Variants in GALK2 observed in about 807,000 individuals in gnomAD.
The protein encoded by GALK2 is N-acetylgalactosamine kinase.
GALK2 carries 36 observed loss-of-function variants against 52.4 expected under a neutral mutation model. The observed-to-expected ratio is 0.69, with a 90% confidence interval of 0.53 to 0.91. The LOEUF (loss-of-function observed/expected upper bound fraction) is 0.91. Ranked by LOEUF, GALK2 falls within the 40% of genes least tolerant of loss-of-function variation. The pLI, the probability that GALK2 is intolerant of heterozygous loss-of-function variation, is 0.00. For synonymous variants in GALK2, 176 were observed against 199.1 expected, an observed-to-expected ratio of 0.88 and a Z score of 0.98; for missense variants, 579 against 559.1, an observed-to-expected ratio of 1.04 and a Z score of -0.36.
downstream of GALK2, chr15:49,335,510 T>A: frequency 6.3e-7 from 1 of 1,595,814 alleles, no homozygotes; most frequent in Non-Finnish European, 8.6e-7. Context: ...CTAGGCTTAT[T>A]ATTAAGGAAT....
intron 3 of GALK2, among the ~76,000 whole-genome samples, chr15:49,229,031 A>AT (rs1212550510): frequency 2.0e-5 from 3 of 151,806 alleles, no homozygotes; most frequent in Admixed American, 2.0e-4. Context: ...TTTGAATTCT[A>AT]TTTCTGGAAT....
intron 8 of GALK2, among the ~76,000 whole-genome samples, chr15:49,309,579 G>T (rs1441494841): frequency 6.6e-6 from 1 of 151,508 alleles, no homozygotes; most frequent in Non-Finnish European, 1.5e-5. Flanking sequence ...ATGTCTTTGT[G>T]TTGGGAACAT....
intron 8 of GALK2, among the ~76,000 whole-genome samples, chr15:49,299,739 C>CTTTCTTTCTTTCTTTCTTTTT: frequency 1.3e-5 from 1 of 76,382 alleles, no homozygotes; most frequent in African/African-American, 5.3e-5. Context: ...TCTTTCTTTT[C>CTTTCTTTCTTTCTTTCTTTTT]TTTCTTTCTT....
At chr15:49,196,467 T>C (rs926574961) in intron 1 of GALK2, among the ~76,000 whole-genome samples, 1 of 152,224 alleles carries the variant, frequency 6.6e-6, no homozygotes, top group East Asian at 1.9e-4. Context: ...TTCTATTGCA[T>C]TGAGTGTTGT....
chr15:49,163,411 G>A (rs568726), intron 1 of GALK2, among the ~76,000 whole-genome samples: 72,901 of 151,864 alleles, frequency 0.48, 18,105 homozygotes, highest in African/African-American at 0.61. Context: ...ACCTAAGGGC[G>A]CTGAGATTTT....
intron 2 of GALK2, among the ~76,000 whole-genome samples, chr15:49,208,546 T>G (rs2088521828): frequency 6.6e-6 from 1 of 152,216 alleles, no homozygotes; most frequent in African/African-American, 2.4e-5. Flanking sequence ...TTTCTTAAAT[T>G]TATTAAGGCT....
intron 7 of GALK2, among the ~76,000 whole-genome samples, chr15:49,283,940 C>T (rs1476298927): frequency 6.6e-6 from 1 of 152,072 alleles, no homozygotes; most frequent in Admixed American, 6.6e-5. Context: ...AAAAGGGCAG[C>T]TTATATATGT....
chr15:49,197,264 C>G (rs2087317922), intron 1 of GALK2, among the ~76,000 whole-genome samples: 1 of 152,128 alleles, frequency 6.6e-6, no homozygotes, highest in Non-Finnish European at 1.5e-5. Context: ...AGTTATGTGT[C>G]TAGTATTCAG....
intron 3 of GALK2, among the ~76,000 whole-genome samples, chr15:49,346,965 G>GT (rs1252006986): frequency 6.6e-6 from 1 of 152,118 alleles, no homozygotes; most frequent in Non-Finnish European, 1.5e-5. Flanking sequence ...CAACATCCAT[G>GT]TATCAAAAAC....
At chr15:49,164,842 T>C (rs1444701315) in intron 1 of GALK2, among the ~76,000 whole-genome samples, 3 of 147,368 alleles carry the variant, frequency 2.0e-5, no homozygotes, top group African/African-American at 5.0e-5. Flanking sequence ...TAGTTTTAAA[T>C]TGGGGCAATT....
chr15:49,292,548 T>A lies in GALK2; in HGVS notation c.967+11T>A, dbSNP rs770229502. 6.2e-7 allele frequency: 1 copy of A among 1,608,338 alleles called. No individual in the cohort carries two copies. Among genetic ancestry groups the A allele is most frequent in the Non-Finnish European group, 8.5e-7 (1 of 1,175,204 alleles). On this transcript the variant is annotated intron_variant, in intron 8 of 9. Transcript: ENST00000560031. Reference sequence around the variant, plus strand: ...CAAACACTCAAGATGGTGAGTTGGCTGGAGAAAGTATGATATATGTTATTC... The same window carrying A: ...CAAACACTCAAGATGGTGAGTTGGCAGGAGAAAGTATGATATATGTTATTC...
intron 3 of GALK2, among the ~76,000 whole-genome samples, chr15:49,339,042 AG>A (rs2040257619): frequency 6.6e-6 from 1 of 151,996 alleles, no homozygotes; most frequent in Non-Finnish European, 1.5e-5. Flanking sequence ...CCTTTTTTCA[AG>A]GTTCTTAGCT....
In GALK2 at chr15:49,327,944, T is replaced by C; in HGVS notation, c.1170-8T>C. The C allele has an allele frequency of 6.3e-7, 1 of 1,597,224 alleles. No homozygotes were observed. Among genetic ancestry groups the C allele is most frequent in the Non-Finnish European group, 8.5e-7 (1 of 1,170,378 alleles). ...TAGGTTCTAATATTTTTTTCCTCAC[T>C]GTTTTAGGAAGTTTGGGGCTCAAGG... On this transcript the variant is annotated splice_region_variant and splice_polypyrimidine_tract_variant and intron_variant, in intron 9 of 9. Coordinates refer to ENST00000560031, the MANE Select transcript of GALK2 (RefSeq NM_002044.4).
intron 9 of GALK2, among the ~76,000 whole-genome samples, chr15:49,323,448 G>C (rs555331251): frequency 1.3e-5 from 2 of 152,108 alleles, no homozygotes; most frequent in Non-Finnish European, 2.9e-5. Flanking sequence ...TCAAGGAGGA[G>C]CACTGCCAAA....
chr15:49,277,138 T>C (rs2031878285), intron 5 of GALK2, among the ~76,000 whole-genome samples: 2 of 516 alleles, frequency 3.9e-3, no homozygotes. Context: ...AATTTTTGTA[T>C]TTTTTTTTTT....
At chr15:49,362,382 G>A (rs974393454) in intron 3 of GALK2, among the ~76,000 whole-genome samples, 1 of 152,122 alleles carries the variant, frequency 6.6e-6, no homozygotes, top group African/African-American at 2.4e-5. Context: ...AGTTTCCTGA[G>A]GCTCCCCAGT....
chr15:49,173,319 G>C (rs2085225664), intron 1 of GALK2, among the ~76,000 whole-genome samples: 1 of 152,108 alleles, frequency 6.6e-6, no homozygotes, highest in Non-Finnish European at 1.5e-5. Context: ...TTCAACAATT[G>C]ATGGACATTT....
intron 5 of GALK2, among the ~76,000 whole-genome samples, chr15:49,274,062 T>G (rs542489803): frequency 6.2e-4 from 94 of 152,272 alleles, no homozygotes; most frequent in South Asian, 1.0e-3. Context: ...CCTTCCCCAT[T>G]TCCTGCCAGA....
At position 49,207,267 on chromosome 15, in the gene GALK2, A is replaced by G. The variant is rs777321596; in HGVS notation, c.142+6017A>G. Reference sequence around the variant, plus strand: ...GATTTTGTTAAGGATTTTAGCATCTATGTTCATCAAGGATATTGAACTGTA... The same window carrying G: ...GATTTTGTTAAGGATTTTAGCATCTGTGTTCATCAAGGATATTGAACTGTA... On this transcript the variant is annotated intron_variant, in intron 2 of 9. Coordinates refer to ENST00000560031, the MANE Select transcript of GALK2 (RefSeq NM_002044.4). Among the ~76,000 whole-genome samples the G allele has an allele frequency of 6.6e-5, 10 of 152,172 alleles. No homozygotes were observed. The East Asian group carries it at 1.7e-3, about 26-fold the overall frequency.
Sources: gnomAD v4.1 joint callset for allele counts (sites outside exome capture counted in the v4.1 genomes callset) on GRCh38, gnomAD v4.1.1 for gene constraint, MANE v1.5 for transcripts, NCBI Gene and HGNC (gene_info 2026-07-23, HGNC 2026-07-21) for gene names.